The following ZNF729 variants were observed in gnomAD, a reference collection of about 807,000 sequenced individuals.
The protein encoded by ZNF729 is zinc finger protein 729.
A neutral mutation model predicts 12.2 loss-of-function variants in ZNF729; 15 were observed. The ratio of observed to expected loss-of-function variants is 1.23; its 90% CI spans 0.82 to 1.89. The LOEUF (loss-of-function observed/expected upper bound fraction) is 1.89. ZNF729 is among the 40% of genes most tolerant of loss of function. ZNF729 has a pLI of 0.00. For synonymous variants in ZNF729, 492 were observed against 476.3 expected (o/e 1.03, Z -0.43); for missense variants, 1,540 against 1,456.7 (o/e 1.06, Z -0.93).
intron 1 of ZNF729, among the ~76,000 whole-genome samples, chr19:22,287,497 C>A (rs1968095260): frequency 6.6e-6 from 1 of 152,032 alleles, no homozygotes; most frequent in South Asian, 2.1e-4. Context: ...GAACTCCCGA[C>A]CTCAGGTGAT....
intron 2 of ZNF729, among the ~76,000 whole-genome samples, chr19:22,304,195 C>T (rs920743308): frequency 1.3e-5 from 2 of 152,010 alleles, no homozygotes; most frequent in African/African-American, 4.8e-5. Flanking sequence ...TGCGACACCA[C>T]ACCCGGCTAA....
intron 1 of ZNF729, among the ~76,000 whole-genome samples, chr19:22,293,014 T>C (rs1968175245): frequency 6.6e-6 from 1 of 152,226 alleles, no homozygotes; most frequent in African/African-American, 2.4e-5. Flanking sequence ...CTCTGAAACC[T>C]TGCCAGCATG....
intron 1 of ZNF729, among the ~76,000 whole-genome samples, chr19:22,287,244 A>C (rs1238151061): frequency 6.6e-6 from 1 of 151,974 alleles, no homozygotes; most frequent in African/African-American, 2.4e-5. Flanking sequence ...TTTACAAAAA[A>C]AAAAATGCAC....
At chr19:22,293,494 A>ATTTTTTTTTTTTTTTTTTT (rs56180581) in intron 1 of ZNF729, among the ~76,000 whole-genome samples, 1 of 96,054 alleles carries the variant, frequency 1.0e-5, no homozygotes, top group Non-Finnish European at 1.9e-5. Flanking sequence ...CCTTTTGTCT[A>ATTTTTTTTTTTTTTTTTTT]TTTTTTTTTT....
intron 1 of ZNF729, among the ~76,000 whole-genome samples, chr19:22,295,975 C>G (rs574176244): frequency 1.3e-5 from 2 of 152,254 alleles, no homozygotes; most frequent in African/African-American, 4.8e-5. Context: ...AGGGATAAAG[C>G]CTACTTGATC....
intron 1 of ZNF729, among the ~76,000 whole-genome samples, chr19:22,294,657 C>CT (rs71180535): frequency 0.049 from 4,521 of 92,456 alleles, 222 homozygotes; most frequent in African/African-American, 0.082. Context: ...TTTTCTTTTT[C>CT]TTTTTTTTTT....
rs1484047513 is a variant in ZNF729 at position 22,314,307 on chromosome 19, G to A, written c.890G>A (p.Cys297Tyr). 2 of 1,610,600 alleles carry A rather than the reference G, an allele frequency of 1.2e-6. No individual in the cohort carries two copies. The highest frequency in any genetic ancestry group is 2.2e-5 in the East Asian group (1 of 44,820). Residue 297 changes from cysteine to tyrosine, a missense_variant, in exon 4 of 4, where the codon TGT becomes TAT. Transcript: ENST00000601693. Reference sequence around the variant, plus strand: ...GAGAAAACCTACAAATGTGAAGAATGTGGCAAAGCTTTTAAGGGGTCCTCA... The same window carrying A: ...GAGAAAACCTACAAATGTGAAGAATATGGCAAAGCTTTTAAGGGGTCCTCA... Reference protein sequence around the residue: ...TGEKTYKCEECGKAFKGSSNF... With the variant: ...TGEKTYKCEEYGKAFKGSSNF...
intron 1 of ZNF729, among the ~76,000 whole-genome samples, chr19:22,291,569 T>C (rs1968154467): frequency 6.6e-6 from 1 of 152,106 alleles, no homozygotes. Context: ...CAACCTGTTT[T>C]CTCCACCAAC....
chr19:22,308,021 G>A (rs960552828), intron 3 of ZNF729, among the ~76,000 whole-genome samples: 12 of 151,558 alleles, frequency 7.9e-5, no homozygotes, highest in East Asian at 5.8e-4. Context: ...TTTCCCTCCC[G>A]CTCTTCCCCT....
intron 1 of ZNF729, among the ~76,000 whole-genome samples, chr19:22,301,002 A>G (rs970704280): frequency 6.6e-6 from 1 of 152,164 alleles, no homozygotes; most frequent in African/African-American, 2.4e-5. Context: ...ACTTATAGAG[A>G]CATTAAAATG....
intron 1 of ZNF729, among the ~76,000 whole-genome samples, chr19:22,302,761 C>T (rs578226458): frequency 2.0e-5 from 3 of 152,286 alleles, no homozygotes; most frequent in Non-Finnish European, 4.4e-5. Context: ...CAGGTCCCAC[C>T]CTGGAGTCTT....
At chr19:22,309,316 G>A (rs561103393) in intron 3 of ZNF729, among the ~76,000 whole-genome samples, 28 of 152,004 alleles carry the variant, frequency 1.8e-4, no homozygotes, top group Non-Finnish European at 4.0e-4. Context: ...GCAGTGGTGG[G>A]TGCCTGTAAT....
chr19:22,316,698 A>G lies in ZNF729; in HGVS notation c.3281A>G (p.His1094Arg), dbSNP rs1453211386. 6.2e-7 allele frequency: 1 copy of G among 1,612,786 alleles called. No homozygotes were observed. Among genetic ancestry groups the G allele is most frequent in the Non-Finnish European group, 8.5e-7 (1 of 1,179,780 alleles). The change falls in exon 4 of 4, where the codon CAT (histidine) becomes CGT (arginine). Residue 1094 changes from histidine (H) to arginine (R), a missense_variant. Transcript: ENST00000601693. The stretch of plus-strand genomic sequence containing the variant: ...AAGCATTTCTCAGCCCTTAGAAAAC[A>G]TAAGGTAATTCATACTGGAAAGAAA... ...AFKHFSALRKHKVIHTGKKPY... is the reference protein window; with the variant it reads ...AFKHFSALRKRKVIHTGKKPY...
chr19:22,316,746 G>T lies in ZNF729; in HGVS notation c.3329G>T (p.Gly1110Val), dbSNP rs770771123. The change falls in exon 4 of 4, where the codon GGC (glycine) becomes GTC (valine). Residue 1110 changes from glycine (G) to valine (V), a missense_variant. Gly to Val is a moderately radical substitution (Grantham distance 109). Coordinates refer to ENST00000601693, the MANE Select transcript of ZNF729 (RefSeq NM_001242680.2). ...GKKPYQCDEC[G>V]KAFNNSSTLT... ...AAACCCTACCAATGTGACGAATGTG[G>T]CAAAGCTTTTAACAATTCCTCAACC... 17 of 1,609,840 alleles carry T rather than the reference G, an allele frequency of 1.1e-5. No individual in the cohort carries two copies. Among genetic ancestry groups the T allele is most frequent in the Middle Eastern group, 1.7e-4 (1 of 6,040 alleles).
intron 3 of ZNF729, among the ~76,000 whole-genome samples, chr19:22,306,680 CAT>C (rs1244133977): frequency 9.3e-5 from 14 of 151,022 alleles, no homozygotes; most frequent in African/African-American, 2.4e-4. Flanking sequence ...GTTTTAATCT[CAT>C]AACAATTTCA....
At chr19:22,307,630 G>C (rs113212530) in intron 3 of ZNF729, among the ~76,000 whole-genome samples, 3,743 of 150,092 alleles carry the variant, frequency 0.025, 151 homozygotes, top group African/African-American at 0.087. Flanking sequence ...GTAGTCCCAG[G>C]TACTCGGGAG....
chr19:22,291,085 C>T (rs747623926), intron 1 of ZNF729, among the ~76,000 whole-genome samples: 12 of 152,074 alleles, frequency 7.9e-5, no homozygotes, highest in Non-Finnish European at 1.6e-4. Context: ...TGTGCTGACT[C>T]TGGGTGGTGT....
intron 1 of ZNF729, among the ~76,000 whole-genome samples, chr19:22,292,034 C>T (rs114843170): frequency 0.019 from 2,857 of 151,866 alleles, 92 homozygotes; most frequent in African/African-American, 0.065. Context: ...GCCCAGCCAG[C>T]GAGTTTTTTG....
At chr19:22,290,946 T>G (rs1475460410) in intron 1 of ZNF729, among the ~76,000 whole-genome samples, 1 of 152,164 alleles carries the variant, frequency 6.6e-6, no homozygotes, top group Non-Finnish European at 1.5e-5. Flanking sequence ...ATAATATTAT[T>G]GAACTTGAAG....
Sources: allele counts gnomAD v4.1 joint callset (sites outside exome capture counted in the v4.1 genomes callset), GRCh38; gene constraint gnomAD v4.1.1; transcripts MANE v1.5; gene names NCBI Gene and HGNC (gene_info 2026-07-23, HGNC 2026-07-21).